PDZD2: variants seen among roughly 807,000 people sequenced by gnomAD.
The protein encoded by PDZD2 is PDZ domain-containing protein 2.
PDZD2 carries 90 observed loss-of-function variants against 220.7 expected under a neutral mutation model. The ratio of observed to expected loss-of-function variants is 0.41; its 90% CI spans 0.34 to 0.49. The LOEUF (loss-of-function observed/expected upper bound fraction) is 0.49. Among genes scored for constraint, PDZD2 ranks in the 20% least tolerant of loss-of-function variants. PDZD2 has a pLI of 0.28. For missense variants in PDZD2, 3,174 were observed against 3,608.5 expected (o/e 0.88, Z 3.08); for synonymous variants, 1,375 against 1,450.5 (o/e 0.95, Z 1.18).
chr5:32,006,985 A>G (rs1252945498), intron 5 of PDZD2, among the ~76,000 whole-genome samples: 2 of 124,526 alleles, frequency 1.6e-5, no homozygotes, highest in East Asian at 2.4e-4. Flanking sequence ...GCGCCATCTC[A>G]GCTCACTACA....
chr5:32,022,185 G>GTTTTTTTTTTTTT (rs145876120), intron 6 of PDZD2, among the ~76,000 whole-genome samples: 59 of 135,618 alleles, frequency 4.4e-4, no homozygotes, highest in Non-Finnish European at 6.9e-4. Flanking sequence ...TTGTTTTTTT[G>GTTTTTTTTTTTTT]TTTTTTTGTT....
chr5:31,807,829 G>A (rs1481783200), intron 2 of PDZD2, among the ~76,000 whole-genome samples: 1 of 152,168 alleles, frequency 6.6e-6, no homozygotes, highest in Non-Finnish European at 1.5e-5. Flanking sequence ...CAGGGCGACA[G>A]GCCAATTGGT....
intron 2 of PDZD2, among the ~76,000 whole-genome samples, chr5:31,802,932 A>T (rs1200801006): frequency 8.0e-5 from 12 of 150,506 alleles, no homozygotes; most frequent in Admixed American, 4.0e-4. Flanking sequence ...AAAAAAAAAA[A>T]AAAAAAAAAG....
rs149251645 is a variant in PDZD2, at chr5:31,818,905, C to T, written c.476+19181C>T. 7.2e-5 allele frequency among the ~76,000 whole-genome samples: 11 copies of T among 152,236 alleles called. No homozygotes were observed. The East Asian group carries it at 1.7e-3, about 24-fold the overall frequency. On this transcript the variant is annotated intron_variant, in intron 2 of 24. Coordinates refer to ENST00000438447, the MANE Select transcript of PDZD2 (RefSeq NM_178140.4). ...AACAGATATAATTTTTTGTTTCCTT[C>T]TAATCTATGTTCATTTGCAATATAT...
intron 1 of PDZD2, among the ~76,000 whole-genome samples, chr5:31,760,931 A>G (rs187560640): frequency 6.6e-6 from 1 of 152,268 alleles, no homozygotes; most frequent in Non-Finnish European, 1.5e-5. Flanking sequence ...TCAAAAAAAT[A>G]ATAAATAAAT....
Position 32,000,358 on chromosome 5 carries a change from A to G in PDZD2, c.1254+87A>G. On this transcript the variant is annotated intron_variant, in intron 5 of 24. Transcript: ENST00000438447. This position sits in a 1 kb window ranked among gnomAD's most constrained non-coding sequence, Gnocchi z 4.5. ...CACCTCCCATGCCACACACACACAC[A>G]AAGACATGTGTGCACTTGTACGTTT... 1 of 1,394,692 alleles carries G rather than the reference A, an allele frequency of 7.2e-7. No individual in the cohort carries two copies. The highest frequency in any genetic ancestry group is 2.3e-5 in the East Asian group (1 of 43,738). The allele number at this position is 1,394,692 out of a possible 1,614,324, so 86.4% of individuals were successfully genotyped here.
intron 1 of PDZD2, among the ~76,000 whole-genome samples, chr5:31,685,470 C>T (rs1746816974): frequency 6.6e-6 from 1 of 152,104 alleles, no homozygotes. Context: ...GCTTCTACAC[C>T]ATCAGCCCAT....
intron 6 of PDZD2, among the ~76,000 whole-genome samples, chr5:32,031,688 T>TG (rs58068215): frequency 0.57 from 85,966 of 151,884 alleles, 24,791 homozygotes; most frequent in South Asian, 0.63. Context: ...CCCTGAGACC[T>TG]GGGGGGAGAA....
chr5:32,020,881 A>C (rs183767775), intron 6 of PDZD2, among the ~76,000 whole-genome samples: 1 of 151,552 alleles, frequency 6.6e-6, no homozygotes, highest in Non-Finnish European at 1.5e-5. Context: ...CCTAACCTCA[A>C]GTGATCTGCC....
chr5:32,058,338 C>A (rs1739306726), intron 12 of PDZD2, among the ~76,000 whole-genome samples: 1 of 148,446 alleles, frequency 6.7e-6, no homozygotes, highest in African/African-American at 2.5e-5. Flanking sequence ...CCCCATGAAT[C>A]ACTGTGGGTC....
At chr5:31,990,690 G>A (rs1468282657) in intron 3 of PDZD2, among the ~76,000 whole-genome samples, 3 of 152,178 alleles carry the variant, frequency 2.0e-5, no homozygotes, top group Non-Finnish European at 4.4e-5. Flanking sequence ...TTATAATGTG[G>A]TAGACACTGT....
rs568493311 is a variant in PDZD2 at position 32,089,379 on chromosome 5, G to C, written c.5931G>C (p.Thr1977=). The change falls in exon 20 of 25, where the codon ACG becomes ACC. Residue 1977 remains threonine, a synonymous_variant. Coordinates refer to ENST00000438447, the MANE Select transcript of PDZD2 (RefSeq NM_178140.4). ...CACTGAAACCCTCAGTGTCTGACAC[G>C]AGCATCAGGACATTTGTCTCGCCCC... The part of the protein sequence containing the change: ...SGPLKPSVSD[T]SIRTFVSPLT... 3 of 1,614,032 alleles carry C rather than the reference G, an allele frequency of 1.9e-6. No homozygotes were observed. The highest frequency in any genetic ancestry group is 1.7e-5 in the Admixed American group (1 of 60,024).
chr5:32,060,573 C>T (rs948627966), intron 13 of PDZD2, among the ~76,000 whole-genome samples: 1 of 152,166 alleles, frequency 6.6e-6, no homozygotes, highest in African/African-American at 2.4e-5. Context: ...GACAGTCAGA[C>T]GGACCCGAGT....
At chr5:32,052,469 C>G (rs959617361) in intron 8 of PDZD2, 142 bp from the exon 9 acceptor site, 3 of 803,420 alleles carry the variant, frequency 3.7e-6, no homozygotes, top group Non-Finnish European at 6.2e-6. Context: ...TTATAGGAAA[C>G]TTTTTTAAGT....
At chr5:31,713,738 G>C (rs904999421) in intron 1 of PDZD2, among the ~76,000 whole-genome samples, 2 of 151,464 alleles carry the variant, frequency 1.3e-5, no homozygotes, top group Non-Finnish European at 2.9e-5. Flanking sequence ...ATAGAGACAG[G>C]GTTTCACCAT....
rs756548601 is a variant in PDZD2 at position 31,797,094 on chromosome 5, A to ATTTTT, written c.-360-1769_-360-1765dup. On this transcript the variant is annotated intron_variant, in intron 1 of 24. Transcript: ENST00000438447. ...AGGCGCCCGCCACCACACCCAGCTA[A>ATTTTT]TTTTTTTTTTTTTTTTTTTTTTTTT... 2.3e-3 allele frequency among the ~76,000 whole-genome samples: 150 copies of ATTTTT among 66,536 alleles called. 8 individuals are homozygous for ATTTTT. The highest frequency in any genetic ancestry group is 4.1e-3 in the East Asian group (7 of 1,702). The allele number at this position is 66,536 out of a possible 152,430, so 43.7% of individuals were successfully genotyped here. A position where few individuals can be genotyped will look rare whatever the true frequency, so the allele number is the denominator to read the frequency against.
At chr5:31,976,833 T>C (rs1749826795) in intron 2 of PDZD2, among the ~76,000 whole-genome samples, 1 of 147,082 alleles carries the variant, frequency 6.8e-6, no homozygotes. Context: ...TTCTCCTGCC[T>C]CAGCCTCCTG....
chr5:31,925,438 T>A (rs998978401), intron 2 of PDZD2, among the ~76,000 whole-genome samples: 2 of 152,166 alleles, frequency 1.3e-5, no homozygotes, highest in Non-Finnish European at 2.9e-5. Flanking sequence ...GACCCCTACC[T>A]TTTACCATCT....
intron 2 of PDZD2, among the ~76,000 whole-genome samples, chr5:31,852,087 C>T (rs987155197): frequency 1.3e-5 from 2 of 152,012 alleles, no homozygotes; most frequent in African/African-American, 2.4e-5. Flanking sequence ...GAGCTCCTGA[C>T]CTCGTGATCC....
Sources: gnomAD v4.1 joint callset for allele counts (sites outside exome capture counted in the v4.1 genomes callset) on GRCh38, gnomAD v4.1.1 for gene constraint, Gnocchi (gnomAD v3.1) non-coding constraint, MANE v1.5 for transcripts, NCBI Gene and HGNC (gene_info 2026-07-23, HGNC 2026-07-21) for gene names.